Variants in FAM178B observed in about 807,000 individuals in gnomAD.
FAM178B encodes the protein family with sequence similarity 178 member B.
FAM178B carries 82 observed loss-of-function variants against 91.7 expected under a neutral mutation model. The ratio of observed to expected loss-of-function variants is 0.89; its 90% CI spans 0.75 to 1.07. The LOEUF (loss-of-function observed/expected upper bound fraction) is 1.07, where lower values mean the gene tolerates loss of function less well. Ranked by LOEUF, FAM178B falls within the 50% of genes least tolerant of loss-of-function variation. The pLI is 0.00. For synonymous variants in FAM178B, 368 were observed against 359.4 expected, an observed-to-expected ratio of 1.02 and a Z score of -0.27; for missense variants, 769 against 846.7, an observed-to-expected ratio of 0.91 and a Z score of 1.14.
chr2:96,883,948 C>G (rs77165605), intron 14 of FAM178B, among the ~76,000 whole-genome samples: 15 of 152,280 alleles, frequency 9.9e-5, no homozygotes, highest in Non-Finnish European at 2.2e-4. Context: ...TTGCCACACA[C>G]GAGTCCTCTC....
At chr2:96,925,287 G>A (rs963623533) in intron 9 of FAM178B, among the ~76,000 whole-genome samples, 1 of 152,164 alleles carries the variant, frequency 6.6e-6, no homozygotes, top group African/African-American at 2.4e-5. Flanking sequence ...TGTGTTTTTT[G>A]AGCTGCAGAG....
At chr2:96,975,514 C>T (rs1310858509) in intron 1 of FAM178B, among the ~76,000 whole-genome samples, 2 of 152,152 alleles carry the variant, frequency 1.3e-5, no homozygotes, top group Non-Finnish European at 2.9e-5. Context: ...AAGATCAAAT[C>T]AGTGTAACTG....
At chr2:96,910,624 G>C (rs894642827) in intron 12 of FAM178B, among the ~76,000 whole-genome samples, 1 of 144,088 alleles carries the variant, frequency 6.9e-6, no homozygotes, top group African/African-American at 2.9e-5. Flanking sequence ...CCGTTTGTCC[G>C]GCTACCTTAC....
intron 12 of FAM178B, among the ~76,000 whole-genome samples, chr2:96,913,076 A>G (rs2081186099): frequency 6.6e-6 from 1 of 152,236 alleles, no homozygotes; most frequent in Non-Finnish European, 1.5e-5. Flanking sequence ...AAGCTAGTGA[A>G]CAAAAAGCAA....
intron 12 of FAM178B, among the ~76,000 whole-genome samples, chr2:96,915,051 A>G (rs930693889): frequency 4.6e-5 from 7 of 151,988 alleles, no homozygotes; most frequent in East Asian, 1.9e-4. Context: ...AAATGGGTAC[A>G]TGGAGTCCAT....
intron 1 of FAM178B, among the ~76,000 whole-genome samples, chr2:96,980,839 T>C (rs2082351876): frequency 6.6e-6 from 1 of 152,166 alleles, no homozygotes; most frequent in Non-Finnish European, 1.5e-5. Flanking sequence ...CATCTTCTTT[T>C]GTAAAGTGCC....
At chr2:96,962,455 AAGAAAG>A (rs1173112813) in intron 5 of FAM178B, among the ~76,000 whole-genome samples, 1 of 151,444 alleles carries the variant, frequency 6.6e-6, no homozygotes, top group African/African-American at 2.4e-5. Context: ...GAAAGAAAGA[AAGAAAG>A]AAAAAAAAGC....
At chr2:96,878,127 G>A (rs4641980) in intron 15 of FAM178B, 85 bp from the exon 16 acceptor site, 2 of 1,427,816 alleles carry the variant, frequency 1.4e-6, no homozygotes, top group Middle Eastern at 2.4e-4. Context: ...CAAATTCAGA[G>A]AAAGGAAGGG....
chr2:96,925,440 C>T (rs553266631), intron 9 of FAM178B, among the ~76,000 whole-genome samples: 479 of 152,308 alleles, frequency 3.1e-3, no homozygotes, highest in Admixed American at 4.8e-3. Context: ...CTAATCCTCG[C>T]TTTTCAGAGG....
At chr2:96,965,816 A>T (rs2082135816) in intron 5 of FAM178B, among the ~76,000 whole-genome samples, 1 of 151,970 alleles carries the variant, frequency 6.6e-6, no homozygotes, top group African/African-American at 2.4e-5. Flanking sequence ...GCTCAGACCT[A>T]AGCTCCGGGG....
intron 8 of FAM178B, chr2:96,939,188 G>A (rs2153372441): frequency 6.6e-6 from 1 of 152,226 alleles, no homozygotes; most frequent in South Asian, 2.1e-4. Context: ...GGGCAACAGA[G>A]TGAGACTCTG....
intron 12 of FAM178B, among the ~76,000 whole-genome samples, chr2:96,905,848 ATATATATATATATTTTTTTTTTTTTT>A (rs2081036369): frequency 1.4e-3 from 37 of 26,504 alleles, no homozygotes; most frequent in African/African-American, 6.0e-3. Flanking sequence ...ATATATATAT[ATATATATATATATTTTTTTTTTTTTT>A]TTTTTTTTTT....
chr2:96,924,346 C>T (rs1467539496), intron 9 of FAM178B, among the ~76,000 whole-genome samples: 2 of 152,234 alleles, frequency 1.3e-5, no homozygotes. Context: ...CAGAACAAAA[C>T]ATCCCTGAAA....
chr2:96,889,700 A>AT (rs938134291), intron 14 of FAM178B, among the ~76,000 whole-genome samples: 1 of 136,128 alleles, frequency 7.3e-6, no homozygotes, highest in Non-Finnish European at 1.5e-5. Flanking sequence ...AAATAAATAA[A>AT]TAAATAAATA....
At chr2:96,953,435 G>A (rs1356575396) in intron 6 of FAM178B, among the ~76,000 whole-genome samples, 2 of 152,190 alleles carry the variant, frequency 1.3e-5, no homozygotes, top group African/African-American at 2.4e-5. Flanking sequence ...GGGGCACCCC[G>A]CCAGTTTCTT....
chr2:96,972,371 C>T (rs768150858), intron 2 of FAM178B, 49 bp from the exon 3 acceptor site: 4 of 1,471,350 alleles, frequency 2.7e-6, no homozygotes, highest in Non-Finnish European at 2.7e-6. Context: ...CTGCCACTGT[C>T]CCAGACGTCA....
At chr2:96,959,199 GAAAAAAAAAA>G (rs57498168) in intron 6 of FAM178B, among the ~76,000 whole-genome samples, 14 of 82,134 alleles carry the variant, frequency 1.7e-4, no homozygotes, top group South Asian at 5.7e-4. Context: ...ACTCAGTTTT[GAAAAAAAAAA>G]AAAAAAAAAA....
chr2:96,887,101 G>A (rs2080544123), intron 14 of FAM178B, among the ~76,000 whole-genome samples: 1 of 152,044 alleles, frequency 6.6e-6, no homozygotes, highest in Non-Finnish European at 1.5e-5. Flanking sequence ...TGTAGTTCCA[G>A]CTACTCGGGA....
chr2:96,975,773 T>A (rs2153376040), intron 1 of FAM178B, among the ~76,000 whole-genome samples: 1 of 152,348 alleles, frequency 6.6e-6, no homozygotes, highest in Non-Finnish European at 1.5e-5. Flanking sequence ...ACACTAAATG[T>A]ACCATAGTTC....
Sources: gnomAD v4.1 joint callset for allele counts (sites outside exome capture counted in the v4.1 genomes callset) on GRCh38, gnomAD v4.1.1 for gene constraint, MANE v1.5 for transcripts, NCBI Gene and HGNC (gene_info 2026-07-23, HGNC 2026-07-21) for gene names.